The following CAMSAP3 variants were observed in gnomAD, a reference collection of about 807,000 sequenced individuals.
CAMSAP3 encodes calmodulin regulated spectrin associated protein family member 3.
A neutral mutation model predicts 112.5 loss-of-function variants in CAMSAP3; 34 were observed. That is an observed-to-expected ratio of 0.30 (90% CI 0.23 to 0.40). The LOEUF is 0.40. CAMSAP3 is among the 10% of genes least tolerant of loss of function. The pLI is 1.00. For missense variants in CAMSAP3, 1,602 were observed against 1,770.3 expected (o/e 0.90, Z 1.71); for synonymous variants, 868 against 799.8 (o/e 1.09, Z -1.44).
Position 7,617,285 on chromosome 19 carries a change from C to A in CAMSAP3, c.3213-41C>A. ...CCCATCTCTGACCCCACCTCCATCC[C>A]ATCCTGACCCCACCTCCATCCCATC... On this transcript the variant is annotated intron_variant, in intron 14 of 16. Coordinates refer to ENST00000160298, the MANE Select transcript of CAMSAP3 (RefSeq NM_020902.2). This position sits in a 1 kb window ranked among gnomAD's most constrained non-coding sequence, Gnocchi z 7.5. 7.0e-7 allele frequency: 1 copy of A among 1,427,848 alleles called. No individual in the cohort carries two copies. The highest frequency in any genetic ancestry group is 9.9e-7 in the Non-Finnish European group (1 of 1,010,492). 88.4% of individuals were successfully genotyped at this position (1,427,848 alleles called of 1,614,324 possible). A position where few individuals can be genotyped will look rare whatever the true frequency, so the allele number is the denominator to read the frequency against.
rs763847579 is a variant in CAMSAP3 at position 7,602,552 on chromosome 19, T to C, written c.149-2674T>C. Among the ~76,000 whole-genome samples, 36 of 151,796 alleles carry C rather than the reference T, an allele frequency of 2.4e-4. 1 individual carries two copies. Among genetic ancestry groups the C allele is most frequent in the Non-Finnish European group, 4.1e-4 (28 of 67,930 alleles). ...CAGGAAGTTGAAAGCCAAGGACGCA[T>C]TAAATGTGGGGTGAGGGCGTAAAGA... On this transcript the variant is annotated intron_variant, in intron 1 of 16. Transcript: ENST00000160298.
At chr19:7,614,780 G>A in intron 11 of CAMSAP3, 1 of 262,260 alleles carries the variant, frequency 3.8e-6, no homozygotes, top group Non-Finnish European at 7.5e-6. Context: ...TGCCTGGAAC[G>A]CTCTGCTCTG....
intron 4 of CAMSAP3, chr19:7,606,823 T>G (rs765726470): frequency 1.5e-5 from 24 of 1,613,490 alleles, no homozygotes; most frequent in Non-Finnish European, 1.9e-5. Context: ...AGTGGGGCTG[T>G]CTGTCCGCCC....
rs1352006251 is a variant in CAMSAP3, at chr19:7,605,257, C to T, written c.180C>T (p.Phe60=). The T allele has an allele frequency of 5.0e-6, 8 of 1,599,728 alleles. No individual in the cohort carries two copies. Among genetic ancestry groups the T allele is most frequent in the Admixed American group, 1.7e-5 (1 of 57,850 alleles). ...EHVPPELWEP[F]YTDQYAQEHV... ...TGCCCCCGGAGCTGTGGGAGCCCTT[C>T]TATACCGACCAGTACGCGCAGGAGC... is the stretch of plus-strand genomic sequence containing the variant. Residue 60 remains phenylalanine (F), a synonymous_variant, in exon 2 of 17, where the codon TTC becomes TTT. Transcript: ENST00000160298.
chr19:7,607,852 G>A lies in CAMSAP3; in HGVS notation c.622-274G>A. On this transcript the variant is annotated intron_variant, in intron 4 of 16. Transcript: ENST00000160298. The surrounding 1 kb of genome is among the most constrained non-coding windows in gnomAD (Gnocchi z 4.9). ...ATTGCCTTCTGTTTGAAGGAGTCGG[G>A]GAGCAAACCCCCCATGGTAATGTAT... 1 of 1,368,848 alleles carries A rather than the reference G, an allele frequency of 7.3e-7. No homozygotes were observed. The highest frequency in any genetic ancestry group is 9.9e-7 in the Non-Finnish European group (1 of 1,007,258). 84.8% of individuals were successfully genotyped at this position (1,368,848 alleles called of 1,614,324 possible).
At position 7,596,645 on chromosome 19, in the gene CAMSAP3, G is replaced by T. The variant is rs1459745253; in HGVS notation, c.148+495G>T. Among the ~76,000 whole-genome samples, 6 of 151,978 alleles carry T rather than the reference G, an allele frequency of 3.9e-5. No homozygotes were observed. The East Asian group carries it at 9.8e-4, about 25-fold the overall frequency. ...CTCGAGCGCTCCGGTCTCCACCACCGCACGACCCCCAGGCCCCAACACACA... is the reference window on the plus strand; with the variant it reads ...CTCGAGCGCTCCGGTCTCCACCACCTCACGACCCCCAGGCCCCAACACACA... On this transcript the variant is annotated intron_variant, in intron 1 of 16. Transcript: ENST00000160298.
At chr19:7,598,354 T>C (rs1244408187) in intron 1 of CAMSAP3, among the ~76,000 whole-genome samples, 1 of 151,656 alleles carries the variant, frequency 6.6e-6, no homozygotes, top group Non-Finnish European at 1.5e-5. Flanking sequence ...CGGTGGGAGA[T>C]AAGGGAGGCT....
chr19:7,616,086 CTG>C (rs1393374093), intron 13 of CAMSAP3, among the ~76,000 whole-genome samples: 1 of 151,820 alleles, frequency 6.6e-6, no homozygotes, highest in African/African-American at 2.4e-5. Flanking sequence ...ACTTGGGAGA[CTG>C]AGGCAGGAGA....
At position 7,612,391 on chromosome 19, in the gene CAMSAP3, G is replaced by T; in HGVS notation, c.1898G>T (p.Gly633Val). 2 of 1,596,588 alleles carry T rather than the reference G, an allele frequency of 1.3e-6. No homozygotes were observed. Among genetic ancestry groups the T allele is most frequent in the East Asian group, 2.3e-5 (1 of 44,118 alleles). ...AIFAKHRQRL[G>V]KSAFLQVQPR... ...TTCGCCAAGCACCGCCAGCGGCTGG[G>T]CAAAAGCGCCTTCCTGCAGGTGCAG... Residue 633 changes from glycine to valine, a missense_variant, in exon 11 of 17, where the codon GGC (glycine) becomes GTC (valine). By Grantham distance (109) the Gly-to-Val change is moderately radical. Transcript: ENST00000160298.
At chr19:7,613,851 G>A (rs559755560) in intron 11 of CAMSAP3, among the ~76,000 whole-genome samples, 120 of 152,150 alleles carry the variant, frequency 7.9e-4, no homozygotes, top group African/African-American at 2.8e-3. Context: ...TTTCCCAGCC[G>A]GGGACACCTA....
chr19:7,605,147 G>GTGTGT, intron 1 of CAMSAP3, 79 bp from the exon 2 acceptor site: 1 of 623,268 alleles, frequency 1.6e-6, no homozygotes, highest in Non-Finnish European at 2.6e-6. Context: ...CGGGCCATGT[G>GTGTGT]GTGTGTGTGT....
rs1474079447 is a variant in CAMSAP3, at chr19:7,615,679, C to T, written c.3072C>T (p.Asp1024=). 4 of 1,423,124 alleles carry T rather than the reference C, an allele frequency of 2.8e-6. No individual in the cohort carries two copies. Among genetic ancestry groups the T allele is most frequent in the South Asian group, 1.5e-5 (1 of 66,898 alleles). 88.2% of individuals were successfully genotyped at this position (1,423,124 alleles called of 1,614,324 possible). ...RATRPRSGCC[D]DSALARSPAR... Reference sequence around the variant, plus strand: ...CCCGGCCTCGCTCGGGTTGCTGTGACGACTCAGCCCTGGCACGAAGCCCAG... The same window carrying T: ...CCCGGCCTCGCTCGGGTTGCTGTGATGACTCAGCCCTGGCACGAAGCCCAG... The change falls in exon 13 of 17, where the codon GAC becomes GAT. Residue 1024 remains aspartate, a synonymous_variant. Transcript: ENST00000160298. The surrounding 1 kb of genome is among the most constrained non-coding windows in gnomAD (Gnocchi z 6.5).
chr19:7,612,958 C>T lies in CAMSAP3; in HGVS notation c.2465C>T (p.Thr822Met), dbSNP rs1211843025. 3.7e-6 allele frequency: 6 copies of T among 1,606,098 alleles called. No homozygotes were observed. In the African/African-American group the frequency reaches 4.0e-5, roughly 11 times the overall value. ...KFSPSQVPVQ[T>M]RSSILLAEET... ...TCGCCGAGCCAGGTGCCCGTGCAGA[C>T]GCGCTCTTCCATCCTCCTGGCGGAG... The change falls in exon 11 of 17, where the codon ACG (threonine) becomes ATG (methionine). Residue 822 changes from threonine to methionine, a missense_variant. This residue lies in a region of CAMSAP3 where 1,100 missense variants were observed against 1,135.7 expected (regional missense o/e 0.97). Transcript: ENST00000160298.
chr19:7,596,966 G>C (rs910101806), intron 1 of CAMSAP3, among the ~76,000 whole-genome samples: 1 of 149,222 alleles, frequency 6.7e-6, no homozygotes, highest in Non-Finnish European at 1.5e-5. Flanking sequence ...GTAATCCCGG[G>C]TCCCCGGGAT....
intron 14 of CAMSAP3, among the ~76,000 whole-genome samples, chr19:7,616,899 T>G (rs1310567961): frequency 6.7e-6 from 1 of 150,068 alleles, no homozygotes; most frequent in East Asian, 2.0e-4. Context: ...GGGTGTGCAG[T>G]GTATACCGCC....
intron 4 of CAMSAP3, 128 bp downstream of exon 4, chr19:7,606,699 C>G (rs1028724039): frequency 8.2e-6 from 13 of 1,594,072 alleles, no homozygotes; most frequent in African/African-American, 6.7e-5. Context: ...TTTCTTCCCC[C>G]CTCTCTCAAT....
intron 1 of CAMSAP3, among the ~76,000 whole-genome samples, chr19:7,596,677 G>A (rs934688508): frequency 2.0e-5 from 3 of 151,858 alleles, no homozygotes; most frequent in African/African-American, 7.3e-5. Context: ...CACACCCCGC[G>A]TCGGCCCTGG....
At chr19:7,603,038 G>A (rs2030040503) in intron 1 of CAMSAP3, among the ~76,000 whole-genome samples, 1 of 152,076 alleles carries the variant, frequency 6.6e-6, no homozygotes, top group South Asian at 2.1e-4. Context: ...CATGCGGGTG[G>A]CGCGTTAAGT....
At position 7,596,054 on chromosome 19, in the gene CAMSAP3, G is replaced by C; in HGVS notation, c.52G>C (p.Val18Leu). ...GPGPLRRTFL[V>L]PEIKSLDQYD... ...CGGGCCGCTGCGGAGGACCTTTCTA[G>C]TGCCCGAGATCAAGTCGCTGGACCA... The change falls in exon 1 of 17, where the codon GTG (valine) becomes CTG (leucine). Residue 18 changes from valine (V) to leucine (L), a missense_variant. Transcript: ENST00000160298. 7.9e-7 allele frequency: 1 copy of C among 1,272,150 alleles called. No individual in the cohort carries two copies. Among genetic ancestry groups the C allele is most frequent in the Non-Finnish European group, 1.0e-6 (1 of 982,036 alleles). 78.8% of individuals were successfully genotyped at this position (1,272,150 alleles called of 1,614,324 possible). A position where few individuals can be genotyped will look rare whatever the true frequency, so the allele number is the denominator to read the frequency against.
Sources: allele counts gnomAD v4.1 joint callset (sites outside exome capture counted in the v4.1 genomes callset), GRCh38; gene constraint gnomAD v4.1.1; regional missense constraint gnomAD v4.1.1; non-coding constraint Gnocchi (gnomAD v3.1); transcripts MANE v1.5; gene names NCBI Gene and HGNC (gene_info 2026-07-23, HGNC 2026-07-21).